The following ATG2A variants were observed in gnomAD, a reference collection of about 807,000 sequenced individuals.
The protein encoded by ATG2A is autophagy-related protein 2 homolog A.
A neutral mutation model predicts 214.2 loss-of-function variants in ATG2A; 103 were observed. That is an observed-to-expected ratio of 0.48 (90% CI 0.41 to 0.57). The LOEUF (loss-of-function observed/expected upper bound fraction) is 0.57. ATG2A is among the 20% of genes least tolerant of loss of function. The probability of loss-of-function intolerance (pLI) is 0.00; values close to 1 mark genes in which losing one functional copy is unlikely to be tolerated. For synonymous variants in ATG2A, 1,160 were observed against 1,142.1 expected, an observed-to-expected ratio of 1.02 and a Z score of -0.32; for missense variants, 2,312 against 2,613.2, an observed-to-expected ratio of 0.88 and a Z score of 2.51.
At position 64,913,511 on chromosome 11, in the gene ATG2A, G is replaced by A; in HGVS notation, c.591-110C>T. On this transcript the variant is annotated intron_variant, in intron 4 of 40. Coordinates refer to ENST00000377264, the MANE Select transcript of ATG2A (RefSeq NM_015104.3). The surrounding 1 kb of genome is among the most constrained non-coding windows in gnomAD (Gnocchi z 4.3). ...GGGGTCAGGGAGCCTAGCCTGCAGA[G>A]CTGCCCCATCACACCTAGGCCGTCC... 7.3e-7 allele frequency: 1 copy of A among 1,370,042 alleles called. No individual in the cohort carries two copies. 84.9% of individuals were successfully genotyped at this position (1,370,042 alleles called of 1,614,324 possible).
Position 64,903,448 on chromosome 11 carries a change from C to T in ATG2A, c.3536-84G>A. On this transcript the variant is annotated intron_variant, in intron 25 of 40. Transcript: ENST00000377264. This position sits in a 1 kb window ranked among gnomAD's most constrained non-coding sequence, Gnocchi z 4.2. ...CACCTGGGGGAAGGATCCGGTTGAT[C>T]CAGGTGTAGTCCCTGCTGTGCGGGC... The T allele has an allele frequency of 6.4e-7, 1 of 1,553,504 alleles. No homozygotes were observed. Among genetic ancestry groups the T allele is most frequent in the Non-Finnish European group, 8.8e-7 (1 of 1,133,810 alleles).
At chr11:64,905,536 T>C in intron 24 of ATG2A, 27 bp downstream of exon 24, 2 of 1,596,572 alleles carry the variant, frequency 1.3e-6, no homozygotes, top group South Asian at 1.1e-5. Context: ...GAGGGTGGGA[T>C]GGCCCAGTGT....
In ATG2A at chr11:64,894,572, A is replaced by C; in HGVS notation, c.*401T>G. The C allele has an allele frequency of 2.1e-6, 1 of 480,698 alleles. No individual in the cohort carries two copies. The highest frequency in any genetic ancestry group is 4.1e-6 in the Non-Finnish European group (1 of 243,650). The allele number at this position is 480,698 out of a possible 1,614,324, so 29.8% of individuals were successfully genotyped here. On this transcript the variant is annotated 3_prime_UTR_variant, in exon 41 of 41. Transcript: ENST00000377264. ...GGCGGTGGGCAGTTTATTCCACTTC[A>C]TGCAGACACTGACCCACGCACTCAC...
rs773341059 is a variant in ATG2A at position 64,896,605 on chromosome 11, G to A, written c.5284C>T (p.Arg1762Trp). ...HSVVQLFQGF[R>W]DLLWLPIEQY... ...TCAATGGGCAGCCACAGCAGGTCCC[G>A]GAACCCTTGGACTAGGGGGAAGGAG... The change falls in exon 39 of 41, where the codon CGG (arginine) becomes TGG (tryptophan). Residue 1762 changes from arginine (R) to tryptophan (W), a missense_variant. Coordinates refer to ENST00000377264, the MANE Select transcript of ATG2A (RefSeq NM_015104.3). 3.1e-6 allele frequency: 5 copies of A among 1,613,746 alleles called. No homozygotes were observed. Among genetic ancestry groups the A allele is most frequent in the South Asian group, 1.1e-5 (1 of 91,092 alleles).
chr11:64,894,573 T>C lies in ATG2A; in HGVS notation c.*400A>G, dbSNP rs1944080508. ...GCGGTGGGCAGTTTATTCCACTTCA[T>C]GCAGACACTGACCCACGCACTCACG... On this transcript the variant is annotated 3_prime_UTR_variant, in exon 41 of 41. Transcript: ENST00000377264. The C allele has an allele frequency of 8.3e-6, 4 of 480,084 alleles. No individual in the cohort carries two copies. The highest frequency in any genetic ancestry group is 6.2e-5 in the South Asian group (4 of 64,766). 29.7% of individuals were successfully genotyped at this position (480,084 alleles called of 1,614,324 possible).
At chr11:64,900,667 A>T in intron 30 of ATG2A, 38 bp from the exon 31 acceptor site, 1 of 1,553,640 alleles carries the variant, frequency 6.4e-7, no homozygotes, top group South Asian at 1.2e-5. Flanking sequence ...ACTCAGAGGA[A>T]CCCCATTCCC....
Position 64,896,836 on chromosome 11 carries a change from G to A in ATG2A, c.5184C>T (p.Ala1728=). Residue 1728 remains alanine, a synonymous_variant, in exon 38 of 41, where the codon GCC becomes GCT. Coordinates refer to ENST00000377264, the MANE Select transcript of ATG2A (RefSeq NM_015104.3). ...LLGVDKVLGY[A]LNEWLQDIRK... Reference sequence around the variant, plus strand: ...GGATGTCCTGCAGCCACTCGTTGAGGGCATAGCCCAGCACCTTGTCCACAC... The same window carrying A: ...GGATGTCCTGCAGCCACTCGTTGAGAGCATAGCCCAGCACCTTGTCCACAC... The A allele has an allele frequency of 6.2e-7, 1 of 1,614,214 alleles. No individual in the cohort carries two copies. Among genetic ancestry groups the A allele is most frequent in the Non-Finnish European group, 8.5e-7 (1 of 1,180,046 alleles).
Position 64,914,343 on chromosome 11 carries a change from C to T in ATG2A, c.329G>A (p.Gly110Asp). The change falls in exon 2 of 41, where the codon GGT (glycine) becomes GAT (aspartate). Residue 110 changes from glycine to aspartate, a missense_variant. Gly to Asp is a moderately conservative substitution (Grantham distance 94, BLOSUM62 -1). Coordinates refer to ENST00000377264, the MANE Select transcript of ATG2A (RefSeq NM_015104.3). The part of the protein sequence containing the change: ...GLQLTLQPRR[G>D]PAPGAADSQS... ...CAGCCTCGCCCTGCCCTCACCTGGA[C>T]CCCGGCGGGGCTGCAAGGTGAGCTG... 1.2e-6 allele frequency: 2 copies of T among 1,601,254 alleles called. No individual in the cohort carries two copies. Among genetic ancestry groups the T allele is most frequent in the Non-Finnish European group, 1.7e-6 (2 of 1,174,740 alleles).
In ATG2A at chr11:64,913,207, G is replaced by A. The variant is rs1944843809; in HGVS notation, c.726+59C>T. On this transcript the variant is annotated intron_variant, in intron 5 of 40. Transcript: ENST00000377264. This position sits in a 1 kb window ranked among gnomAD's most constrained non-coding sequence, Gnocchi z 4.3. ...TCAGAGATGGTCAGAAAGGATGGGA[G>A]GGGCTCAATGGGCTCAAGGGAGAGG... 31 of 1,611,162 alleles carry A rather than the reference G, an allele frequency of 1.9e-5. No homozygotes were observed. The South Asian group carries it at 3.3e-4, about 17-fold the overall frequency.
chr11:64,898,291 C>T lies in ATG2A; in HGVS notation c.4743G>A (p.Ser1581=), dbSNP rs148923613. The part of the protein sequence containing the change: ...LGGPECCLRV[S]LMPLRLNVDQ... ...CCACATTGAGCCGCAGGGGCATCAGCGAGACGCGGAGACAGCACTCAGGCC... is the reference window on the plus strand; with the variant it reads ...CCACATTGAGCCGCAGGGGCATCAGTGAGACGCGGAGACAGCACTCAGGCC... Residue 1581 remains serine, a synonymous_variant, in exon 33 of 41, where the codon TCG becomes TCA. Coordinates refer to ENST00000377264, the MANE Select transcript of ATG2A (RefSeq NM_015104.3). The surrounding 1 kb of genome is among the most constrained non-coding windows in gnomAD (Gnocchi z 4.5). 17 of 1,613,472 alleles carry T rather than the reference C, an allele frequency of 1.1e-5. No homozygotes were observed. The highest frequency in any genetic ancestry group is 3.3e-4 in the Middle Eastern group (2 of 5,972).
chr11:64,912,812 C>T (rs925489688), intron 6 of ATG2A: 32 of 494,934 alleles, frequency 6.5e-5, no homozygotes, highest in Non-Finnish European at 6.4e-5. Flanking sequence ...AGGCTGGTCT[C>T]GAACTCCTGA....
At chr11:64,915,140 C>CG (rs1944930917) in intron 1 of ATG2A, among the ~76,000 whole-genome samples, 2 of 43,910 alleles carry the variant, frequency 4.6e-5, no homozygotes, top group African/African-American at 1.3e-4. Flanking sequence ...GGACCCCCCC[C>CG]CCCCACCACC....
chr11:64,901,045 G>A lies in ATG2A; in HGVS notation c.4167C>T (p.Ile1389=), dbSNP rs763473142. The A allele has an allele frequency of 1.9e-5, 30 of 1,585,168 alleles. No individual in the cohort carries two copies. Among genetic ancestry groups the A allele is most frequent in the Admixed American group, 1.4e-4 (8 of 56,482 alleles). Residue 1389 remains isoleucine, a synonymous_variant, in exon 30 of 41, where the codon ATC becomes ATT. Transcript: ENST00000377264. ...GTGAGAAGTAACCGTCCCTCACAAC[G>A]ATGGGGCCGGGATGCAGCTGTGTCA... ...PVVTQLHPGP[I]VVRDGYFSRP...
At chr11:64,897,229 C>G (rs928423560) in intron 37 of ATG2A, 183 bp downstream of exon 37, 1 of 703,936 alleles carries the variant, frequency 1.4e-6, no homozygotes, top group Admixed American at 2.9e-5. Context: ...CCATGTTGGT[C>G]AGGCTGGTCT....
rs1944382001 is a variant in ATG2A at position 64,902,375 on chromosome 11, A to T, written c.3789T>A (p.Ser1263Arg). 8.2e-6 allele frequency: 13 copies of T among 1,579,078 alleles called. No homozygotes were observed. The highest frequency in any genetic ancestry group is 1.0e-5 in the Non-Finnish European group (12 of 1,163,478). ...TEIAGQKLSESPASLPSCPPV... is the reference protein window; with the variant it reads ...TEIAGQKLSERPASLPSCPPV... ...GGGGGCACGAGGGCAGAGAGGCAGGACTCTCCGAGAGCTGGGCCAGGCAGG... is the reference window on the plus strand; with the variant it reads ...GGGGGCACGAGGGCAGAGAGGCAGGTCTCTCCGAGAGCTGGGCCAGGCAGG... Residue 1263 changes from serine to arginine, a missense_variant, in exon 28 of 41, where the codon AGT becomes AGA. Transcript: ENST00000377264.
intron 22 of ATG2A, 97 bp downstream of exon 22, chr11:64,906,016 G>A (rs1944533428): frequency 1.4e-6 from 2 of 1,450,036 alleles, no homozygotes; most frequent in Admixed American, 2.0e-5. Flanking sequence ...CCCAGTCCAT[G>A]TTCCTCCCAC....
At position 64,916,833 on chromosome 11, in the gene ATG2A, T is replaced by G. The variant is rs1590667513; in HGVS notation, c.171+132A>C. The G allele has an allele frequency of 8.6e-6, 11 of 1,285,378 alleles. No individual in the cohort carries two copies. In the Admixed American group the frequency reaches 2.3e-4, roughly 27 times the overall value. The allele number at this position is 1,285,378 out of a possible 1,614,324, so 79.6% of individuals were successfully genotyped here. On this transcript the variant is annotated intron_variant, in intron 1 of 40. Transcript: ENST00000377264. ...GGCCAGCCGGGGTGCCTCTGACGCC[T>G]GGAGAGGGCAAGATTCCCCTGGCCT...
intron 12 of ATG2A, 110 bp from the exon 13 acceptor site, chr11:64,910,305 A>T: frequency 1.4e-6 from 2 of 1,436,694 alleles, no homozygotes; most frequent in Non-Finnish European, 1.8e-6. Flanking sequence ...CCACGAGAGC[A>T]CTAAGAAGGC....
Position 64,912,318 on chromosome 11 carries a change from G to C in ATG2A, c.922+9C>G, listed in dbSNP as rs1321029917. ...GCCACCCCACCCCCATGCCACCCAG[G>C]GGCCTCACCTGTAAGGCTCACGGCG... On this transcript the variant is annotated intron_variant, in intron 7 of 40. Transcript: ENST00000377264. 1.4e-6 allele frequency: 2 copies of C among 1,388,014 alleles called. No individual in the cohort carries two copies. The highest frequency in any genetic ancestry group is 1.1e-5 in the South Asian group (1 of 87,648). 86.0% of individuals were successfully genotyped at this position (1,388,014 alleles called of 1,614,324 possible).
Sources: allele counts gnomAD v4.1 joint callset (sites outside exome capture counted in the v4.1 genomes callset), GRCh38; gene constraint gnomAD v4.1.1; non-coding constraint Gnocchi (gnomAD v3.1); transcripts MANE v1.5; gene names NCBI Gene and HGNC (gene_info 2026-07-23, HGNC 2026-07-21).